The following PDZRN4 variants were observed in gnomAD, a reference collection of about 807,000 sequenced individuals.
The protein encoded by PDZRN4 is PDZ domain containing ring finger 4, also known as PDZ domain-containing RING finger protein 4.
A neutral mutation model predicts 99.0 loss-of-function variants in PDZRN4; 70 were observed. The observed-to-expected ratio is 0.71, with a 90% CI of 0.58 to 0.86. The LOEUF is 0.86. Ranked by LOEUF, PDZRN4 falls within the 40% of genes least tolerant of loss-of-function variation. The pLI, the probability that PDZRN4 is intolerant of heterozygous loss-of-function variation, is 0.00. For synonymous variants in PDZRN4, 551 were observed against 501.6 expected, an observed-to-expected ratio of 1.10 and a Z score of -1.32; for missense variants, 1,474 against 1,331.2, an observed-to-expected ratio of 1.11 and a Z score of -1.67.
At chr12:41,409,842 G>A (rs1952381123) in intron 3 of PDZRN4, 1 of 152,102 alleles carries the variant, frequency 6.6e-6, no homozygotes, top group Non-Finnish European at 1.5e-5. Flanking sequence ...CGAGCTTCTG[G>A]TAGCCCCAGG....
At chr12:41,513,042 T>G (rs990744045) in intron 5 of PDZRN4, among the ~76,000 whole-genome samples, 4 of 152,080 alleles carry the variant, frequency 2.6e-5, no homozygotes, top group Non-Finnish European at 4.4e-5. Context: ...CTACTTACTA[T>G]TAACTCAGTG....
chr12:41,559,406 A>G (rs963671917), intron 7 of PDZRN4, among the ~76,000 whole-genome samples: 1 of 152,154 alleles, frequency 6.6e-6, no homozygotes, highest in Non-Finnish European at 1.5e-5. Flanking sequence ...TAATTTGGGG[A>G]CATTCTCTCA....
At chr12:41,518,191 G>T (rs888379628) in intron 5 of PDZRN4, among the ~76,000 whole-genome samples, 2 of 151,860 alleles carry the variant, frequency 1.3e-5, no homozygotes, top group Admixed American at 1.3e-4. Context: ...TCTGGTTTCT[G>T]GTTACATATT....
chr12:41,322,731 C>CAA lies in PDZRN4; in HGVS notation c.843+128543_843+128544insAA, dbSNP rs1255383679. Among the ~76,000 whole-genome samples the CAA allele has an allele frequency of 8.6e-5, 13 of 151,996 alleles. No homozygotes were observed. The South Asian group carries it at 2.3e-3, about 27-fold the overall frequency. The stretch of plus-strand genomic sequence containing the variant: ...CAGGATGGTCTCGATATCCTGACCT[C>CAA]GTGATCCTCCCGCCTTGGCCTCCCA... On this transcript the variant is annotated intron_variant, in intron 3 of 9. Coordinates refer to ENST00000402685, the MANE Select transcript of PDZRN4 (RefSeq NM_001164595.2).
intron 5 of PDZRN4, among the ~76,000 whole-genome samples, chr12:41,549,197 A>G (rs954567968): frequency 6.6e-6 from 1 of 152,084 alleles, no homozygotes; most frequent in African/African-American, 2.4e-5. Flanking sequence ...TTTCACTTTT[A>G]TGTGTTTCAT....
intron 3 of PDZRN4, among the ~76,000 whole-genome samples, chr12:41,381,060 A>G (rs886370205): frequency 6.6e-6 from 1 of 152,060 alleles, no homozygotes; most frequent in African/African-American, 2.4e-5. Flanking sequence ...CTGTCTGCTG[A>G]GGTTTCTGCT....
intron 3 of PDZRN4, among the ~76,000 whole-genome samples, chr12:41,480,213 G>A (rs185784225): frequency 1.1e-3 from 162 of 152,136 alleles, no homozygotes; most frequent in African/African-American, 3.8e-3. Context: ...TCTGTGGCCT[G>A]GAGTCCTTTC....
intron 4 of PDZRN4, 151 bp downstream of exon 4, chr12:41,506,863 G>A: frequency 1.2e-6 from 1 of 806,258 alleles, no homozygotes; most frequent in Non-Finnish European, 1.9e-6. Context: ...GTTTTGATAT[G>A]TGCAATTAGT....
intron 3 of PDZRN4, among the ~76,000 whole-genome samples, chr12:41,200,586 T>C (rs955392992): frequency 2.0e-5 from 3 of 152,262 alleles, no homozygotes; most frequent in Non-Finnish European, 4.4e-5. Flanking sequence ...GGATTTGGTG[T>C]TCCTGTCTGA....
At chr12:41,300,273 T>C (rs1390800035) in intron 3 of PDZRN4, among the ~76,000 whole-genome samples, 1 of 151,942 alleles carries the variant, frequency 6.6e-6, no homozygotes, top group African/African-American at 2.4e-5. Flanking sequence ...TTATGCAACT[T>C]TGTTTTTGAA....
intron 3 of PDZRN4, among the ~76,000 whole-genome samples, chr12:41,355,530 A>G (rs1165767852): frequency 6.6e-6 from 1 of 152,086 alleles, no homozygotes; most frequent in Non-Finnish European, 1.5e-5. Context: ...TTAAAATTTC[A>G]CATGGATCAT....
chr12:41,514,065 T>C (rs1157011257), intron 5 of PDZRN4, among the ~76,000 whole-genome samples: 1 of 152,060 alleles, frequency 6.6e-6, no homozygotes, highest in Non-Finnish European at 1.5e-5. Flanking sequence ...CCTTTATGCG[T>C]CCAATATCAT....
intron 3 of PDZRN4, among the ~76,000 whole-genome samples, chr12:41,375,745 T>TTG (rs924177659): frequency 1.2e-4 from 18 of 151,592 alleles, no homozygotes; most frequent in East Asian, 5.8e-4. Flanking sequence ...TTTTGTGTGT[T>TTG]TGTGTGTGTG....
chr12:41,397,757 T>C (rs1196856334), intron 3 of PDZRN4, among the ~76,000 whole-genome samples: 1 of 152,144 alleles, frequency 6.6e-6, no homozygotes, highest in Non-Finnish European at 1.5e-5. Context: ...TATGTATTGG[T>C]ATCTATGCCC....
chr12:41,234,337 C>G (rs1310570684), intron 3 of PDZRN4, among the ~76,000 whole-genome samples: 1 of 152,016 alleles, frequency 6.6e-6, no homozygotes, highest in Non-Finnish European at 1.5e-5. Flanking sequence ...AATAGAAACT[C>G]AAGACCATTG....
intron 3 of PDZRN4, among the ~76,000 whole-genome samples, chr12:41,211,407 C>G (rs1054504314): frequency 6.6e-6 from 1 of 151,838 alleles, no homozygotes; most frequent in Non-Finnish European, 1.5e-5. Flanking sequence ...TTATACTTGC[C>G]CATTACTTTT....
At chr12:41,536,181 C>G (rs1938745481) in intron 5 of PDZRN4, among the ~76,000 whole-genome samples, 1 of 152,134 alleles carries the variant, frequency 6.6e-6, no homozygotes, top group Admixed American at 6.5e-5. Flanking sequence ...AGGAAAGCAA[C>G]CAAGATGTCT....
chr12:41,573,993 A>T lies in PDZRN4; in HGVS notation c.*103A>T. 2 of 780,690 alleles carry T rather than the reference A, an allele frequency of 2.6e-6. No individual in the cohort carries two copies. The highest frequency in any genetic ancestry group is 3.5e-5 in the South Asian group (1 of 28,338). The allele number at this position is 780,690 out of a possible 1,614,324, so 48.4% of individuals were successfully genotyped here. A position where few individuals can be genotyped will look rare whatever the true frequency, so the allele number is the denominator to read the frequency against. ...GTGGCGTTTTTATATATATTTTGTG[A>T]CTCTTTATAGTTTAAATTTTTTGTA... On this transcript the variant is annotated 3_prime_UTR_variant, in exon 10 of 10. Coordinates refer to ENST00000402685, the MANE Select transcript of PDZRN4 (RefSeq NM_001164595.2).
At chr12:41,309,361 T>C (rs566332292) in intron 3 of PDZRN4, among the ~76,000 whole-genome samples, 5 of 152,178 alleles carry the variant, frequency 3.3e-5, no homozygotes, top group East Asian at 3.9e-4. Flanking sequence ...TGTCATTCCA[T>C]GGCAGAAGGA....
Sources: allele counts gnomAD v4.1 joint callset (sites outside exome capture counted in the v4.1 genomes callset), GRCh38; gene constraint gnomAD v4.1.1; transcripts MANE v1.5; gene names NCBI Gene and HGNC (gene_info 2026-07-23, HGNC 2026-07-21).